The following HPSE2 variants were observed in gnomAD, a reference collection of about 807,000 sequenced individuals.
The protein encoded by HPSE2 is inactive heparanase-2.
HPSE2 carries 38 observed loss-of-function variants against 60.5 expected under a neutral mutation model. The observed-to-expected ratio is 0.63, with a 90% CI of 0.48 to 0.82. HPSE2 has a LOEUF of 0.82. Ranked by LOEUF, HPSE2 falls within the 40% of genes least tolerant of loss-of-function variation. The pLI, the probability that HPSE2 is intolerant of heterozygous loss-of-function variation, is 0.00. For synonymous variants in HPSE2, 295 were observed against 293.2 expected, an observed-to-expected ratio of 1.01 and a Z score of -0.06; for missense variants, 713 against 740.4, an observed-to-expected ratio of 0.96 and a Z score of 0.43.
At chr10:99,235,249 C>T (rs916723103) in intron 1 of HPSE2, among the ~76,000 whole-genome samples, 2 of 152,180 alleles carry the variant, frequency 1.3e-5, no homozygotes, top group African/African-American at 4.8e-5. Flanking sequence ...TATGTAAGCA[C>T]AACATTTTTT....
intron 3 of HPSE2, among the ~76,000 whole-genome samples, chr10:98,910,413 A>C (rs903112807): frequency 6.6e-6 from 1 of 152,242 alleles, no homozygotes; most frequent in Non-Finnish European, 1.5e-5. Context: ...GCAAAAGGGC[A>C]CATAGGGAAC....
At position 98,803,580 on chromosome 10, in the gene HPSE2, A is replaced by T. The variant is rs1490501069; in HGVS notation, c.611-59524T>A. 1.5e-3 allele frequency among the ~76,000 whole-genome samples: 222 copies of T among 151,822 alleles called. 3 individuals are homozygous for T. Among genetic ancestry groups the T allele is most frequent in the South Asian group, 6.0e-3 (29 of 4,812 alleles). Reference sequence around the variant, plus strand: ...CCAGCACCATTTATTAAATAGGGAAACCTTTCCCCATTGCTTGTTTTTCTC... The same window carrying T: ...CCAGCACCATTTATTAAATAGGGAATCCTTTCCCCATTGCTTGTTTTTCTC... On this transcript the variant is annotated intron_variant, in intron 3 of 11. Coordinates refer to ENST00000370552, the MANE Select transcript of HPSE2 (RefSeq NM_021828.5).
chr10:98,985,731 T>C (rs1311696038), intron 3 of HPSE2, among the ~76,000 whole-genome samples: 1 of 152,182 alleles, frequency 6.6e-6, no homozygotes, highest in East Asian at 1.9e-4. Context: ...ATCAGTGTGC[T>C]ATATTCAGGA....
At chr10:98,582,017 T>C (rs1456985710) in intron 9 of HPSE2, among the ~76,000 whole-genome samples, 1 of 152,206 alleles carries the variant, frequency 6.6e-6, no homozygotes. Context: ...CTGTTTGACA[T>C]TGTGCAAGCT....
At chr10:99,116,756 G>T (rs1229706240) in intron 3 of HPSE2, among the ~76,000 whole-genome samples, 16 of 152,192 alleles carry the variant, frequency 1.1e-4, no homozygotes, top group Non-Finnish European at 1.9e-4. Context: ...AGTACTGCTT[G>T]CCTGCTACCA....
intron 3 of HPSE2, among the ~76,000 whole-genome samples, chr10:99,113,678 T>C (rs1471623108): frequency 6.6e-6 from 1 of 152,166 alleles, no homozygotes; most frequent in Admixed American, 6.5e-5. Flanking sequence ...ATATAAACTT[T>C]CAATAAGATT....
chr10:98,735,653 T>C (rs532784388), intron 4 of HPSE2, among the ~76,000 whole-genome samples: 4 of 152,282 alleles, frequency 2.6e-5, no homozygotes, highest in Admixed American at 6.5e-5. Flanking sequence ...ATCTTTTGCA[T>C]TGGCGTGACC....
In HPSE2 at chr10:98,825,383, C is replaced by T. The variant is rs1296477508; in HGVS notation, c.611-81327G>A. ...AAGGCTGGAGAACTAGGTAAGATGC[C>T]AATTATATAAGTCCTTAAGTGTTTG... On this transcript the variant is annotated intron_variant, in intron 3 of 11. Coordinates refer to ENST00000370552, the MANE Select transcript of HPSE2 (RefSeq NM_021828.5). Among the ~76,000 whole-genome samples the T allele has an allele frequency of 2.0e-5, 3 of 151,992 alleles. No individual in the cohort carries two copies. In the East Asian group the frequency reaches 5.8e-4, roughly 29 times the overall value.
chr10:98,668,422 T>A (rs1947423836), intron 6 of HPSE2, among the ~76,000 whole-genome samples: 1 of 152,072 alleles, frequency 6.6e-6, no homozygotes, highest in Non-Finnish European at 1.5e-5. Context: ...ATTCTAAAAT[T>A]CACATGGAAC....
At chr10:98,851,127 A>T (rs938570088) in intron 3 of HPSE2, among the ~76,000 whole-genome samples, 1 of 152,224 alleles carries the variant, frequency 6.6e-6, no homozygotes, top group African/African-American at 2.4e-5. Flanking sequence ...CTAACCATAC[A>T]TGTTGGGAAG....
chr10:99,268,937 C>T, the HPSE2 span, among the ~76,000 whole-genome samples: 3 of 151,532 alleles, frequency 2.0e-5, no homozygotes, highest in Admixed American at 2.0e-4. Flanking sequence ...GGGTGGATCA[C>T]CTGAGGTCAG....
chr10:99,205,507 G>C (rs1023643234), intron 2 of HPSE2, among the ~76,000 whole-genome samples: 3 of 152,052 alleles, frequency 2.0e-5, no homozygotes, highest in Admixed American at 2.0e-4. Flanking sequence ...GCTTGAACCC[G>C]GGCGGCAGAG....
At chr10:98,678,691 A>AT (rs1004396364) in intron 6 of HPSE2, among the ~76,000 whole-genome samples, 1 of 151,890 alleles carries the variant, frequency 6.6e-6, no homozygotes, top group Non-Finnish European at 1.5e-5. Context: ...GTTCTTAAAA[A>AT]TTTTTTTGGT....
the HPSE2 span, among the ~76,000 whole-genome samples, chr10:99,275,572 A>C: frequency 1.3e-5 from 2 of 152,180 alleles, no homozygotes; most frequent in African/African-American, 4.8e-5. Flanking sequence ...TGGGCTAAAA[A>C]CCATCCCAGC....
At chr10:98,851,554 T>C (rs971998935) in intron 3 of HPSE2, among the ~76,000 whole-genome samples, 4 of 152,244 alleles carry the variant, frequency 2.6e-5, no homozygotes, top group African/African-American at 9.6e-5. Context: ...GAACAATCCC[T>C]TCTCTATAGT....
At chr10:98,966,956 G>A (rs1170162229) in intron 3 of HPSE2, among the ~76,000 whole-genome samples, 2 of 152,150 alleles carry the variant, frequency 1.3e-5, no homozygotes, top group Non-Finnish European at 2.9e-5. Context: ...TTCAGATCAT[G>A]TGGGGCTCTT....
intron 6 of HPSE2, among the ~76,000 whole-genome samples, chr10:98,666,830 T>TA (rs1452010015): frequency 6.6e-6 from 1 of 152,008 alleles, no homozygotes; most frequent in Admixed American, 6.6e-5. Context: ...ATTAAGTAGT[T>TA]AAAAAATTTC....
intron 3 of HPSE2, among the ~76,000 whole-genome samples, chr10:98,822,621 C>G (rs529415913): frequency 6.6e-6 from 1 of 152,044 alleles, no homozygotes; most frequent in Admixed American, 6.5e-5. Context: ...AATTAAAAGA[C>G]AAAGACTGTC....
At chr10:98,963,174 C>A (rs1449805005) in intron 3 of HPSE2, among the ~76,000 whole-genome samples, 1 of 151,926 alleles carries the variant, frequency 6.6e-6, no homozygotes, top group Admixed American at 6.6e-5. Flanking sequence ...ACTTTCTGAC[C>A]TTCTATCATG....
Sources: gnomAD v4.1 joint callset for allele counts (sites outside exome capture counted in the v4.1 genomes callset) on GRCh38, gnomAD v4.1.1 for gene constraint, MANE v1.5 for transcripts, NCBI Gene and HGNC (gene_info 2026-07-23, HGNC 2026-07-21) for gene names.